The following INTU variants were observed in gnomAD, a reference collection of about 807,000 sequenced individuals.
The protein encoded by INTU is protein inturned.
A neutral mutation model predicts 100.5 loss-of-function variants in INTU; 68 were observed. The ratio of observed to expected loss-of-function variants is 0.68; its 90% confidence interval spans 0.56 to 0.83. The LOEUF (loss-of-function observed/expected upper bound fraction) is 0.83, where lower values mean the gene tolerates loss of function less well. INTU is among the 40% of genes least tolerant of loss of function. INTU has a pLI of 0.00. For missense variants in INTU, 1,071 were observed against 1,114.7 expected (o/e 0.96, Z 0.56); for synonymous variants, 357 against 395.7 (o/e 0.90, Z 1.16).
At chr4:127,636,372 A>C (rs1347103044) in intron 1 of INTU, among the ~76,000 whole-genome samples, 1 of 152,124 alleles carries the variant, frequency 6.6e-6, no homozygotes, top group African/African-American at 2.4e-5. Context: ...GCACTTTGGA[A>C]GGCCGAGGCG....
At chr4:127,683,152 C>G (rs1222748599) in intron 6 of INTU, among the ~76,000 whole-genome samples, 1 of 152,088 alleles carries the variant, frequency 6.6e-6, no homozygotes, top group African/African-American at 2.4e-5. Flanking sequence ...CTTTATTAAA[C>G]AGGGTGGGGG....
At chr4:127,637,789 C>T (rs1727139050) in intron 1 of INTU, among the ~76,000 whole-genome samples, 1 of 152,122 alleles carries the variant, frequency 6.6e-6, no homozygotes. Flanking sequence ...TTTAGTGATG[C>T]ATAGGAATGC....
rs1309178050 is a variant in INTU, at chr4:127,721,530, G to A, written c.*5094G>A. Reference sequence around the variant, plus strand: ...ATGTTGGCCTGTCTTGCTAGGTTGGGGAAGTTTTCCTGGATGATATCCAGA... The same window carrying A: ...ATGTTGGCCTGTCTTGCTAGGTTGGAGAAGTTTTCCTGGATGATATCCAGA... On this transcript the variant is annotated 3_prime_UTR_variant, in exon 16 of 16. Coordinates refer to ENST00000335251, the MANE Select transcript of INTU (RefSeq NM_015693.4). 1 of 152,134 alleles carries A rather than the reference G, an allele frequency of 6.6e-6. No homozygotes were observed. Among genetic ancestry groups the A allele is most frequent in the Non-Finnish European group, 1.5e-5 (1 of 68,030 alleles). The allele number at this position is 152,134 out of a possible 1,614,324, so 9.4% of individuals were successfully genotyped here. A position where few individuals can be genotyped will look rare whatever the true frequency, so the allele number is the denominator to read the frequency against.
Position 127,720,646 on chromosome 4 carries a change from T to G in INTU, c.*4210T>G, listed in dbSNP as rs569046456. The G allele has an allele frequency of 1.3e-5, 2 of 152,228 alleles. No homozygotes were observed. Among genetic ancestry groups the G allele is most frequent in the Non-Finnish European group, 2.9e-5 (2 of 68,046 alleles). 9.4% of individuals were successfully genotyped at this position (152,228 alleles called of 1,614,324 possible). A position where few individuals can be genotyped will look rare whatever the true frequency, so the allele number is the denominator to read the frequency against. On this transcript the variant is annotated 3_prime_UTR_variant, in exon 16 of 16. Transcript: ENST00000335251. ...TTTGGGTCTCTAAGAACTTGTTTTA[T>G]GAATCTGAGTGCTCCTATATTAGGT...
intron 2 of INTU, 103 bp from the exon 3 acceptor site, chr4:127,656,533 T>C: frequency 1.3e-6 from 1 of 760,304 alleles, no homozygotes; most frequent in South Asian, 1.7e-5. Context: ...GATTTCTCAC[T>C]GTACTTTGAG....
At chr4:127,715,116 G>A (rs1175817060) in intron 15 of INTU, among the ~76,000 whole-genome samples, 3 of 152,068 alleles carry the variant, frequency 2.0e-5, no homozygotes, top group Non-Finnish European at 2.9e-5. Context: ...GAATTCTGAG[G>A]AGGGGGCAAA....
intron 3 of INTU, among the ~76,000 whole-genome samples, chr4:127,661,450 C>T (rs531986634): frequency 1.3e-5 from 2 of 152,246 alleles, no homozygotes; most frequent in South Asian, 4.1e-4. Context: ...AGATGCGTTT[C>T]TTTCTCTGAG....
Position 127,716,395 on chromosome 4 carries a change from A to G in INTU, c.2788A>G (p.Ile930Val). 1 of 1,591,888 alleles carries G rather than the reference A, an allele frequency of 6.3e-7. No individual in the cohort carries two copies. Among genetic ancestry groups the G allele is most frequent in the Non-Finnish European group, 8.6e-7 (1 of 1,169,298 alleles). The change falls in exon 16 of 16, where the codon ATT becomes GTT. Residue 930 changes from isoleucine (I) to valine (V), a missense_variant. By Grantham distance (29) the Ile-to-Val change is conservative. Transcript: ENST00000335251. Reference sequence around the variant, plus strand: ...TCATGACTCAGTCACAGAAATTGCCATTGAAATAGCTTTTAAATTGTTCTT... The same window carrying G: ...TCATGACTCAGTCACAGAAATTGCCGTTGAAATAGCTTTTAAATTGTTCTT... Reference protein sequence around the residue: ...CFHDSVTEIAIEIAFKLFFGL... With the variant: ...CFHDSVTEIAVEIAFKLFFGL...
chr4:127,678,880 A>G (rs1729368913), intron 6 of INTU, among the ~76,000 whole-genome samples: 1 of 151,938 alleles, frequency 6.6e-6, no homozygotes, highest in African/African-American at 2.4e-5. Flanking sequence ...AGACACACAT[A>G]GGCTCAAAAT....
chr4:127,690,291 A>ATTT (rs1375601244), intron 8 of INTU, among the ~76,000 whole-genome samples: 1 of 152,226 alleles, frequency 6.6e-6, no homozygotes, highest in Non-Finnish European at 1.5e-5. Context: ...TTAAGAAATC[A>ATTT]CTGTGTGAAT....
At chr4:127,671,444 T>C (rs998640980) in intron 5 of INTU, among the ~76,000 whole-genome samples, 11 of 152,054 alleles carry the variant, frequency 7.2e-5, no homozygotes, top group Non-Finnish European at 2.9e-5. Context: ...ATGGCTATTA[T>C]TAAAAGGTCA....
At chr4:127,676,260 T>A (rs545694778) in intron 6 of INTU, among the ~76,000 whole-genome samples, 107 of 151,990 alleles carry the variant, frequency 7.0e-4, no homozygotes, top group African/African-American at 2.4e-3. Context: ...TCCTTTGGGT[T>A]TGGATTATGA....
chr4:127,723,385 C>CTTTTT lies in INTU; in HGVS notation c.*6964_*6968dup, dbSNP rs34743437. ...TTGACCATCTGGGCTCTCTGTTCTA[C>CTTTTT]TTTTTTTTTTTTTTTTTTTGCCTCT... On this transcript the variant is annotated 3_prime_UTR_variant, in exon 16 of 16. Transcript: ENST00000335251. The CTTTTT allele has an allele frequency of 2.8e-5, 3 of 109,072 alleles. No homozygotes were observed. Among genetic ancestry groups the CTTTTT allele is most frequent in the Non-Finnish European group, 3.8e-5 (2 of 52,866 alleles). The allele number at this position is 109,072 out of a possible 1,614,324, so 6.8% of individuals were successfully genotyped here.
rs138144693 is a variant in INTU at position 127,634,701 on chromosome 4, AAAGT to A, written c.146+1523_146+1526del. Among the ~76,000 whole-genome samples, 1,401 of 152,330 alleles carry A rather than the reference AAAGT, an allele frequency of 9.2e-3. 28 individuals are homozygous for A. The highest frequency in any genetic ancestry group is 0.032 in the African/African-American group (1,349 of 41,552). ...TAGTGTCTTTATCCTCCTAATAATA[AAAGT>A]ATAGAAAATCCCTATCATAAGATGT... On this transcript the variant is annotated intron_variant, in intron 1 of 15. Coordinates refer to ENST00000335251, the MANE Select transcript of INTU (RefSeq NM_015693.4).
intron 2 of INTU, among the ~76,000 whole-genome samples, chr4:127,649,347 C>T (rs572872903): frequency 2.0e-5 from 3 of 152,220 alleles, no homozygotes; most frequent in Admixed American, 6.5e-5. Context: ...GTTCATTACA[C>T]GAACGTCTTT....
At chr4:127,666,787 G>C (rs1728717408) in intron 4 of INTU, among the ~76,000 whole-genome samples, 1 of 152,150 alleles carries the variant, frequency 6.6e-6, no homozygotes, top group Non-Finnish European at 1.5e-5. Flanking sequence ...ATAATGCTTT[G>C]AACAGAAGTG....
At chr4:127,683,062 G>A (rs947123898) in intron 6 of INTU, among the ~76,000 whole-genome samples, 4 of 152,146 alleles carry the variant, frequency 2.6e-5, no homozygotes, top group Non-Finnish European at 4.4e-5. Flanking sequence ...TTTGTATCCT[G>A]AAGCCAACAA....
At chr4:127,648,913 ATAGT>A (rs987423365) in intron 2 of INTU, among the ~76,000 whole-genome samples, 1 of 152,094 alleles carries the variant, frequency 6.6e-6, no homozygotes, top group Non-Finnish European at 1.5e-5. Flanking sequence ...AAGTGCTGTA[ATAGT>A]TAACCATCAT....
intron 13 of INTU, among the ~76,000 whole-genome samples, chr4:127,710,428 G>A (rs1731051959): frequency 6.6e-6 from 1 of 152,078 alleles, no homozygotes; most frequent in South Asian, 2.1e-4. Context: ...AGTTCTTGAG[G>A]AACATCAGTT....
Sources: gnomAD v4.1 joint callset for allele counts (sites outside exome capture counted in the v4.1 genomes callset) on GRCh38, gnomAD v4.1.1 for gene constraint, MANE v1.5 for transcripts, NCBI Gene and HGNC (gene_info 2026-07-23, HGNC 2026-07-21) for gene names.